Variants in CA10 observed in about 807,000 individuals in gnomAD.
The protein encoded by CA10 is carbonic anhydrase 10 (inactive).
In CA10, 14 loss-of-function variants were observed where a neutral mutation model predicts 44.2. The ratio of observed to expected loss-of-function variants is 0.32; its 90% CI spans 0.21 to 0.50. The LOEUF is 0.50. Ranked by LOEUF, CA10 falls within the 20% of genes least tolerant of loss-of-function variation. CA10 has a pLI of 0.99. For missense variants in CA10, 350 were observed against 409.7 expected, an observed-to-expected ratio of 0.85 and a Z score of 1.26; for synonymous variants, 159 against 141.6, an observed-to-expected ratio of 1.12 and a Z score of -0.87.
chr17:52,038,887 A>C (rs1004407383), intron 2 of CA10, among the ~76,000 whole-genome samples: 3 of 152,150 alleles, frequency 2.0e-5, no homozygotes, highest in Non-Finnish European at 4.4e-5. Context: ...CCTGTTTCGA[A>C]TTATTTTAAT....
chr17:51,912,870 AAAACTC>A (rs150562373), intron 3 of CA10, among the ~76,000 whole-genome samples: 35 of 152,360 alleles, frequency 2.3e-4, no homozygotes, highest in Middle Eastern at 3.4e-3. Flanking sequence ...ATATCCATCT[AAAACTC>A]AAAGTACATT....
At chr17:51,791,119 T>C (rs1343444581) in intron 3 of CA10, among the ~76,000 whole-genome samples, 1 of 152,226 alleles carries the variant, frequency 6.6e-6, no homozygotes, top group Non-Finnish European at 1.5e-5. Context: ...TAAGTGAGTT[T>C]ATGTAAGTAC....
At chr17:51,689,478 GC>G (rs1915115890) in intron 4 of CA10, among the ~76,000 whole-genome samples, 2 of 152,160 alleles carry the variant, frequency 1.3e-5, no homozygotes, top group African/African-American at 4.8e-5. Flanking sequence ...TCATAAATTG[GC>G]AAAGGAGAAA....
chr17:52,085,926 T>G (rs1988104937), intron 1 of CA10, among the ~76,000 whole-genome samples: 1 of 152,204 alleles, frequency 6.6e-6, no homozygotes, highest in Admixed American at 6.5e-5. Context: ...AACACTACCT[T>G]CTAAAAACCT....
intron 3 of CA10, among the ~76,000 whole-genome samples, chr17:51,805,948 G>A (rs531568432): frequency 6.6e-6 from 1 of 152,328 alleles, no homozygotes; most frequent in Non-Finnish European, 1.5e-5. Context: ...TGTGCAAACA[G>A]TGTGTAGAAG....
intron 2 of CA10, among the ~76,000 whole-genome samples, chr17:51,998,814 A>G (rs1985326391): frequency 6.6e-6 from 1 of 152,022 alleles, no homozygotes; most frequent in Non-Finnish European, 1.5e-5. Context: ...CAGGGGTGTC[A>G]GGCAGGCCAT....
At chr17:51,664,885 T>C (rs1914152777) in intron 4 of CA10, among the ~76,000 whole-genome samples, 1 of 152,216 alleles carries the variant, frequency 6.6e-6, no homozygotes, top group Admixed American at 6.5e-5. Context: ...CCAGGGGCAA[T>C]GACTCTCAGT....
rs960205791 is a variant in CA10 at position 52,061,070 on chromosome 17, G to C, written c.136+11249C>G. The stretch of plus-strand genomic sequence containing the variant: ...ATGTAAGTATGAAAAAAAGAATAAT[G>C]GTCTTCCCAAAATGTCCATATTCTA... On this transcript the variant is annotated intron_variant, in intron 2 of 8. Transcript: ENST00000451037. 2.0e-5 allele frequency among the ~76,000 whole-genome samples: 3 copies of C among 152,028 alleles called. No individual in the cohort carries two copies. The East Asian group carries it at 5.8e-4, about 29-fold the overall frequency.
chr17:51,745,453 T>C (rs1310698888), intron 4 of CA10, among the ~76,000 whole-genome samples: 1 of 152,204 alleles, frequency 6.6e-6, no homozygotes, highest in Non-Finnish European at 1.5e-5. Flanking sequence ...CACATAATAA[T>C]GTACCATTGT....
intron 2 of CA10, among the ~76,000 whole-genome samples, chr17:52,063,825 G>A (rs183229818): frequency 1.8e-3 from 273 of 152,142 alleles, no homozygotes; most frequent in African/African-American, 5.9e-3. Context: ...ATTCATTTAC[G>A]GAAACACAAA....
chr17:52,016,995 T>C (rs1364462419), intron 2 of CA10, among the ~76,000 whole-genome samples: 4 of 152,130 alleles, frequency 2.6e-5, no homozygotes, highest in African/African-American at 9.7e-5. Context: ...TTTGACCAGC[T>C]TCTCCTTTGT....
At chr17:51,976,246 G>T (rs888804518) in intron 2 of CA10, among the ~76,000 whole-genome samples, 1 of 152,136 alleles carries the variant, frequency 6.6e-6, no homozygotes, top group Non-Finnish European at 1.5e-5. Flanking sequence ...ATTGTTGGAA[G>T]AAATGAACAA....
At chr17:51,996,424 A>G (rs142836954) in intron 2 of CA10, among the ~76,000 whole-genome samples, 3 of 151,984 alleles carry the variant, frequency 2.0e-5, no homozygotes, top group Non-Finnish European at 4.4e-5. Flanking sequence ...TCCTTCCTTA[A>G]ATTATTATTA....
chr17:51,733,893 G>A (rs1160892935), intron 4 of CA10, among the ~76,000 whole-genome samples: 1 of 152,116 alleles, frequency 6.6e-6, no homozygotes, highest in Non-Finnish European at 1.5e-5. Flanking sequence ...AAGCAAAATG[G>A]TTCAAGGGGA....
intron 2 of CA10, among the ~76,000 whole-genome samples, chr17:51,979,784 A>G (rs1044960936): frequency 1.3e-5 from 2 of 152,008 alleles, no homozygotes; most frequent in African/African-American, 4.8e-5. Flanking sequence ...TGTTACTGCT[A>G]TTGTTTGTTA....
At chr17:51,964,930 C>T (rs1362093092) in intron 2 of CA10, among the ~76,000 whole-genome samples, 1 of 151,326 alleles carries the variant, frequency 6.6e-6, no homozygotes, top group African/African-American at 2.4e-5. Flanking sequence ...AAATTGAGAC[C>T]CCCCCAAATC....
At chr17:52,099,293 G>GA (rs1241581034) in intron 1 of CA10, among the ~76,000 whole-genome samples, 2 of 152,198 alleles carry the variant, frequency 1.3e-5, no homozygotes, top group African/African-American at 4.8e-5. Context: ...AGAACACACT[G>GA]ACATTGAAAA....
intron 6 of CA10, among the ~76,000 whole-genome samples, chr17:51,639,454 T>C (rs1396502286): frequency 6.6e-6 from 1 of 152,128 alleles, no homozygotes; most frequent in Non-Finnish European, 1.5e-5. Context: ...CGAGGTATAG[T>C]GTAGGCTAGG....
intron 2 of CA10, among the ~76,000 whole-genome samples, chr17:51,959,533 G>C (rs1983803893): frequency 6.6e-6 from 1 of 152,014 alleles, no homozygotes; most frequent in East Asian, 1.9e-4. Flanking sequence ...ACCTAATTTT[G>C]TGTATGAAGT....
Sources: allele counts gnomAD v4.1 joint callset (sites outside exome capture counted in the v4.1 genomes callset), GRCh38; gene constraint gnomAD v4.1.1; transcripts MANE v1.5; gene names NCBI Gene and HGNC (gene_info 2026-07-23, HGNC 2026-07-21).